RRP36: variants seen among roughly 807,000 people sequenced by gnomAD.
RRP36 encodes ribosomal RNA processing 36, also known as ribosomal RNA processing protein 36 homolog.
Under a neutral mutation model 39.8 loss-of-function variants are expected in RRP36, and 44 were observed. The observed-to-expected ratio is 1.10, with a 90% CI of 0.87 to 1.42. RRP36 has a LOEUF of 1.42. Among genes scored for constraint, RRP36 ranks in the 40% most tolerant of loss-of-function variants. The probability of loss-of-function intolerance (pLI) is 0.00; values close to 1 mark genes in which losing one functional copy is unlikely to be tolerated. For synonymous variants in RRP36, 124 were observed against 123.1 expected (o/e 1.01, Z -0.05); for missense variants, 316 against 322.4 (o/e 0.98, Z 0.15).
chr6:43,021,841 C>A, intron 1 of RRP36, 57 bp downstream of exon 1: 2 of 1,181,204 alleles, frequency 1.7e-6, no homozygotes, highest in South Asian at 4.4e-5. Flanking sequence ...AGGCGGGGCC[C>A]TGAGCCTGCA....
chr6:43,022,189 C>T (rs2150294580), intron 1 of RRP36, among the ~76,000 whole-genome samples: 1 of 152,038 alleles, frequency 6.6e-6, no homozygotes, highest in Middle Eastern at 3.4e-3. Flanking sequence ...AGCTCCGCCT[C>T]CCGGGTTCAC....
Position 43,027,455 on chromosome 6 carries a change from TCGG to T in RRP36, c.623_625del (p.Arg208del), listed in dbSNP as rs1170195181. ...GTCGGGCTCAGGCCCAGCAGGGCCA[TCGG>T]CCATACTTCCTGAAAAAATGTGAGT... On this transcript the variant is annotated inframe_deletion, in exon 6 of 7. Coordinates refer to ENST00000244496, the MANE Select transcript of RRP36 (RefSeq NM_033112.4). The T allele has an allele frequency of 2.2e-5, 35 of 1,613,796 alleles. No homozygotes were observed. Among genetic ancestry groups the T allele is most frequent in the Non-Finnish European group, 2.7e-5 (32 of 1,179,926 alleles).
chr6:43,027,431 T>C lies in RRP36; in HGVS notation c.597T>C (p.Arg199=), dbSNP rs776741347. Residue 199 remains arginine, a synonymous_variant, in exon 6 of 7, where the codon CGT becomes CGC. Coordinates refer to ENST00000244496, the MANE Select transcript of RRP36 (RefSeq NM_033112.4). ...QELHLALKQE[R]RAQAQQGHRP... Reference sequence around the variant, plus strand: ...TGCACCTGGCCCTGAAGCAAGAACGTCGGGCTCAGGCCCAGCAGGGCCATC... The same window carrying C: ...TGCACCTGGCCCTGAAGCAAGAACGCCGGGCTCAGGCCCAGCAGGGCCATC... The C allele has an allele frequency of 3.7e-6, 6 of 1,614,054 alleles. No homozygotes were observed. The African/African-American group carries it at 8.0e-5, about 22-fold the overall frequency.
At chr6:43,024,840 C>A in intron 1 of RRP36, 145 bp from the exon 2 acceptor site, 1 of 990,642 alleles carries the variant, frequency 1.0e-6, no homozygotes, top group Non-Finnish European at 1.5e-6. Flanking sequence ...TTAACACTAT[C>A]ACAGCCTCTG....
intron 1 of RRP36, among the ~76,000 whole-genome samples, chr6:43,023,271 C>T (rs1399959837): frequency 6.6e-6 from 1 of 152,090 alleles, no homozygotes; most frequent in Non-Finnish European, 1.5e-5. Flanking sequence ...TGGTGGCCCA[C>T]GTCTGTATTC....
intron 3 of RRP36, 52 bp from the exon 4 acceptor site, chr6:43,025,985 G>C: frequency 7.3e-7 from 1 of 1,379,042 alleles, no homozygotes; most frequent in South Asian, 1.2e-5. Context: ...CTTTTTCTCA[G>C]TGAAAGGAGA....
In RRP36 at chr6:43,022,132, GTCTC is replaced by G. The variant is rs897767474; in HGVS notation, c.130+354_130+357del. On this transcript the variant is annotated intron_variant, in intron 1 of 6. Coordinates refer to ENST00000244496, the MANE Select transcript of RRP36 (RefSeq NM_033112.4). Reference sequence around the variant, plus strand: ...TTTAATTTTTTTTTTTTGAGACGGAGTCTCTCTCTGTCGCCAAGGCTGGAGTGCA... The same window carrying G: ...TTTAATTTTTTTTTTTTGAGACGGAGTCTCTGTCGCCAAGGCTGGAGTGCA... 9.2e-5 allele frequency among the ~76,000 whole-genome samples: 14 copies of G among 151,944 alleles called. No homozygotes were observed. The East Asian group carries it at 1.9e-3, about 21-fold the overall frequency.
chr6:43,027,794 CACACAA>C (rs1165006424), intron 6 of RRP36, among the ~76,000 whole-genome samples: 3 of 130,154 alleles, frequency 2.3e-5, no homozygotes, highest in South Asian at 2.4e-4. Context: ...CACACACACA[CACACAA>C]ACACAGAGTC....
At chr6:43,027,102 T>C in intron 4 of RRP36, 76 bp from the exon 5 acceptor site, 1 of 1,335,192 alleles carries the variant, frequency 7.5e-7, no homozygotes, top group Non-Finnish European at 1.1e-6. Context: ...GTGAACTTCT[T>C]AGGATAATGC....
In RRP36 at chr6:43,021,799, C is replaced by T; in HGVS notation, c.130+15C>T. 2 of 1,151,840 alleles carry T rather than the reference C, an allele frequency of 1.7e-6. No individual in the cohort carries two copies. Among genetic ancestry groups the T allele is most frequent in the East Asian group, 3.4e-5 (1 of 29,334 alleles). The allele number at this position is 1,151,840 out of a possible 1,614,324, so 71.4% of individuals were successfully genotyped here. On this transcript the variant is annotated intron_variant, in intron 1 of 6. Transcript: ENST00000244496. ...CCTATTGAGGGGTGAGGGCATGGGG[C>T]AGGGCGGGCTGGGGAGGGGAAGGAG...
chr6:43,026,972 A>G (rs1418752261), intron 4 of RRP36, among the ~76,000 whole-genome samples: 4 of 152,128 alleles, frequency 2.6e-5, no homozygotes, highest in Non-Finnish European at 5.9e-5. Flanking sequence ...AGGCTGAGGC[A>G]GGGGAATTGC....
chr6:43,022,349 C>T (rs145779017), intron 1 of RRP36, among the ~76,000 whole-genome samples: 3,637 of 152,222 alleles, frequency 0.024, 147 homozygotes, highest in African/African-American at 0.081. Context: ...CCGCCCGCCT[C>T]AGCCTCCCAA....
Position 43,027,340 on chromosome 6 carries a change from A to G in RRP36, c.526-20A>G, listed in dbSNP as rs373637321. The G allele has an allele frequency of 3.1e-6, 5 of 1,613,684 alleles. No homozygotes were observed. The highest frequency in any genetic ancestry group is 1.7e-5 in the Admixed American group (1 of 59,998). On this transcript the variant is annotated intron_variant, in intron 5 of 6. Coordinates refer to ENST00000244496, the MANE Select transcript of RRP36 (RefSeq NM_033112.4). ...CTGAACAGATCCCTCCCGTTCACCCATCTCATCTTTGCTCCTCAGGAGCAG... is the reference window on the plus strand; with the variant it reads ...CTGAACAGATCCCTCCCGTTCACCCGTCTCATCTTTGCTCCTCAGGAGCAG...
rs960718932 is a variant in RRP36 at position 43,029,289 on chromosome 6, T to G, written c.*61T>G. Reference sequence around the variant, plus strand: ...GAGACATGGATCTGTGAGGACAGATTTGGCCACGGCTGGTTTCCGTTCAAG... The same window carrying G: ...GAGACATGGATCTGTGAGGACAGATGTGGCCACGGCTGGTTTCCGTTCAAG... On this transcript the variant is annotated 3_prime_UTR_variant, in exon 7 of 7. Transcript: ENST00000244496. The G allele has an allele frequency of 1.5e-5, 24 of 1,590,386 alleles. No individual in the cohort carries two copies. The highest frequency in any genetic ancestry group is 2.0e-5 in the Non-Finnish European group (23 of 1,163,102).
In RRP36 at chr6:43,025,015, T is replaced by C. The variant is rs1336309190; in HGVS notation, c.161T>C (p.Leu54Ser). 1 of 1,614,090 alleles carries C rather than the reference T, an allele frequency of 6.2e-7. No homozygotes were observed. Reference sequence around the variant, plus strand: ...TCTAACATGTCATTTGAGGAGCTGTTGGAATTGCAGAGCCAAGTGGGGACT... The same window carrying C: ...TCTAACATGTCATTTGAGGAGCTGTCGGAATTGCAGAGCCAAGTGGGGACT... ...GTSNMSFEELLELQSQVGTKT... is the reference protein window; with the variant it reads ...GTSNMSFEELSELQSQVGTKT... Residue 54 changes from leucine to serine, a missense_variant, in exon 2 of 7, where the codon TTG becomes TCG. Leu to Ser is a moderately radical substitution (Grantham distance 145). Transcript: ENST00000244496.
intron 2 of RRP36, 38 bp downstream of exon 2, chr6:43,025,170 G>A: frequency 6.2e-7 from 1 of 1,613,440 alleles, no homozygotes. Context: ...AAGATAACTG[G>A]GACCTTGAAT....
At position 43,029,081 on chromosome 6, in the gene RRP36, C is replaced by G; in HGVS notation, c.644-11C>G. On this transcript the variant is annotated splice_polypyrimidine_tract_variant and intron_variant, in intron 6 of 6. Transcript: ENST00000244496. ...CTTTGTTCACCAACTTTCATTCTCC[C>G]TGTCATTTAGCTGAGCAGCGCCAGT... 2 of 1,613,540 alleles carry G rather than the reference C, an allele frequency of 1.2e-6. No homozygotes were observed.
chr6:43,029,315 G>T lies in RRP36; in HGVS notation c.*87G>T. 6.6e-7 allele frequency: 1 copy of T among 1,509,102 alleles called. No homozygotes were observed. Among genetic ancestry groups the T allele is most frequent in the Non-Finnish European group, 9.1e-7 (1 of 1,099,072 alleles). 93.5% of individuals were successfully genotyped at this position (1,509,102 alleles called of 1,614,324 possible). A position where few individuals can be genotyped will look rare whatever the true frequency, so the allele number is the denominator to read the frequency against. On this transcript the variant is annotated 3_prime_UTR_variant, in exon 7 of 7. Coordinates refer to ENST00000244496, the MANE Select transcript of RRP36 (RefSeq NM_033112.4). ...TGGCCACGGCTGGTTTCCGTTCAAG[G>T]GCAAGGATCACAGCTGCCCTTGAAT...
At chr6:43,025,946 AAAG>A (rs1762806580) in intron 3 of RRP36, 88 bp from the exon 4 acceptor site, 3 of 972,848 alleles carry the variant, frequency 3.1e-6, no homozygotes, top group Admixed American at 2.4e-5. Flanking sequence ...AAGCAAAAAA[AAAG>A]AAAGATGAGG....
Sources: gnomAD v4.1 joint callset for allele counts (sites outside exome capture counted in the v4.1 genomes callset) on GRCh38, gnomAD v4.1.1 for gene constraint, MANE v1.5 for transcripts, NCBI Gene and HGNC (gene_info 2026-07-23, HGNC 2026-07-21) for gene names.